The following CTNNA2 variants were observed in gnomAD, a reference collection of about 807,000 sequenced individuals.
The protein encoded by CTNNA2 is catenin alpha 2, also known as catenin alpha-2.
In CTNNA2, 42 loss-of-function variants were observed where a neutral mutation model predicts 101.0. The ratio of observed to expected loss-of-function variants is 0.42; its 90% confidence interval spans 0.32 to 0.54. The LOEUF is 0.54. CTNNA2 is among the 20% of genes least tolerant of loss of function. The pLI is 0.14. For missense variants in CTNNA2, 871 were observed against 1,223.1 expected, an observed-to-expected ratio of 0.71 and a Z score of 4.29; for synonymous variants, 450 against 456.4, an observed-to-expected ratio of 0.99 and a Z score of 0.18.
intron 1 of CTNNA2, chr2:79,523,287 G>A: frequency 2.2e-6 from 1 of 447,656 alleles, no homozygotes; most frequent in Non-Finnish European, 4.5e-6. Flanking sequence ...CCAGGAGACT[G>A]CTTCAAAGAA....
chr2:79,304,158 T>C (rs1676177833), intron 2 of CTNNA2, among the ~76,000 whole-genome samples: 1 of 151,982 alleles, frequency 6.6e-6, no homozygotes, highest in Non-Finnish European at 1.5e-5. Flanking sequence ...TCTAAATCGA[T>C]CACACTGAGG....
intron 9 of CTNNA2, among the ~76,000 whole-genome samples, chr2:80,465,447 G>A (rs1295908223): frequency 2.6e-5 from 4 of 152,144 alleles, no homozygotes; most frequent in African/African-American, 7.2e-5. Flanking sequence ...TGACAACAAC[G>A]TAAATTACTG....
intron 9 of CTNNA2, among the ~76,000 whole-genome samples, chr2:80,508,564 A>G (rs963707409): frequency 6.6e-6 from 1 of 151,808 alleles, no homozygotes; most frequent in Non-Finnish European, 1.5e-5. Context: ...ACCCTACAAC[A>G]TATGGACTCT....
At chr2:80,038,421 A>C (rs114610195) in intron 7 of CTNNA2, among the ~76,000 whole-genome samples, 2,619 of 152,214 alleles carry the variant, frequency 0.017, 60 homozygotes, top group African/African-American at 0.054. Flanking sequence ...AGCTGATCAA[A>C]AGTAAAATTA....
At position 80,232,333 on chromosome 2, in the gene CTNNA2, GTTTGTTTGTTT is replaced by G. The variant is rs1357773230; in HGVS notation, c.1057-160877_1057-160867del. ...TACAGAATTTGGGTTTTGTTTGTTT[GTTTGTTTGTTT>G]GTTTTTTTTTTTTTTTTTTTTTTTT... On this transcript the variant is annotated intron_variant, in intron 7 of 18. Transcript: ENST00000402739. 1.1e-4 allele frequency among the ~76,000 whole-genome samples: 5 copies of G among 45,348 alleles called. No individual in the cohort carries two copies. In the East Asian group the frequency reaches 3.6e-3, roughly 32 times the overall value. 29.8% of individuals were successfully genotyped at this position (45,348 alleles called of 152,430 possible). A position where few individuals can be genotyped will look rare whatever the true frequency, so the allele number is the denominator to read the frequency against.
intron 9 of CTNNA2, among the ~76,000 whole-genome samples, chr2:80,543,620 A>G (rs1306433771): frequency 6.6e-6 from 1 of 152,188 alleles, no homozygotes; most frequent in Non-Finnish European, 1.5e-5. Flanking sequence ...GTTGCTGATA[A>G]GGAAGCAGCA....
At chr2:79,287,252 G>T (rs2104361995) in intron 2 of CTNNA2, among the ~76,000 whole-genome samples, 1 of 152,212 alleles carries the variant, frequency 6.6e-6, no homozygotes, top group East Asian at 1.9e-4. Flanking sequence ...TCTTCTCTCA[G>T]CTCGTCAAAG....
intron 15 of CTNNA2, among the ~76,000 whole-genome samples, chr2:80,592,550 C>T (rs1175796851): frequency 6.6e-6 from 1 of 152,146 alleles, no homozygotes; most frequent in Non-Finnish European, 1.5e-5. Context: ...CCTGAGTTCT[C>T]GAAATTCCCC....
chr2:80,312,946 C>T (rs565662036), intron 7 of CTNNA2, among the ~76,000 whole-genome samples: 3 of 152,232 alleles, frequency 2.0e-5, no homozygotes, highest in African/African-American at 7.2e-5. Flanking sequence ...GTGCAGTCTG[C>T]GTAGTTCTGG....
intron 7 of CTNNA2, among the ~76,000 whole-genome samples, chr2:80,372,682 CT>C (rs57178483): frequency 0.029 from 4,185 of 142,252 alleles, 171 homozygotes; most frequent in African/African-American, 0.089. Flanking sequence ...GGGAAAACAG[CT>C]TTTTTTTTTT....
At chr2:79,700,406 A>C (rs1412833628) in intron 2 of CTNNA2, among the ~76,000 whole-genome samples, 1 of 152,112 alleles carries the variant, frequency 6.6e-6, no homozygotes, top group African/African-American at 2.4e-5. Flanking sequence ...GACACGTAGA[A>C]ATAATGGAGG....
At chr2:80,447,289 TG>T (rs953499881) in intron 9 of CTNNA2, among the ~76,000 whole-genome samples, 1 of 152,188 alleles carries the variant, frequency 6.6e-6, no homozygotes, top group Non-Finnish European at 1.5e-5. Flanking sequence ...GCAAATCTTT[TG>T]GGTAATATGT....
At chr2:79,673,208 C>A (rs1682963245) in intron 2 of CTNNA2, among the ~76,000 whole-genome samples, 1 of 151,886 alleles carries the variant, frequency 6.6e-6, no homozygotes. Context: ...GTACAATTAA[C>A]ATATTTTTGT....
rs569856130 is a variant in CTNNA2 at position 79,322,976 on chromosome 2, C to A, written c.-318+10180C>A. 5.3e-5 allele frequency among the ~76,000 whole-genome samples: 8 copies of A among 152,300 alleles called. No individual in the cohort carries two copies. In the South Asian group the frequency reaches 1.7e-3, roughly 32 times the overall value. ...TGCCTGGTTATTTCCCTGAAAGTATCTTCTATCTCTCTTAACATCTTTCAT... is the reference window on the plus strand; with the variant it reads ...TGCCTGGTTATTTCCCTGAAAGTATATTCTATCTCTCTTAACATCTTTCAT... On this transcript the variant is annotated intron_variant, in intron 3 of 21. Transcript: ENST00000466387.
chr2:79,982,321 T>A (rs865975616), intron 7 of CTNNA2, among the ~76,000 whole-genome samples: 11 of 139,296 alleles, frequency 7.9e-5, no homozygotes, highest in Middle Eastern at 3.6e-3. Context: ...ATATAACATA[T>A]ATAACACACA....
At chr2:80,466,814 GTTC>G (rs1559133938) in intron 9 of CTNNA2, among the ~76,000 whole-genome samples, 1 of 152,144 alleles carries the variant, frequency 6.6e-6, no homozygotes, top group African/African-American at 2.4e-5. Flanking sequence ...TAAATTTGGG[GTTC>G]CCCAAGGAAC....
At chr2:79,200,383 C>CAAAA (rs34255396) in intron 2 of CTNNA2, among the ~76,000 whole-genome samples, 30 of 110,232 alleles carry the variant, frequency 2.7e-4, no homozygotes, top group African/African-American at 8.1e-4. Flanking sequence ...GACTCCGTCT[C>CAAAA]AAAAAAAAAA....
intron 7 of CTNNA2, among the ~76,000 whole-genome samples, chr2:80,368,926 A>G (rs1209315241): frequency 6.6e-6 from 1 of 151,198 alleles, no homozygotes; most frequent in African/African-American, 2.4e-5. Context: ...AAATGATGGT[A>G]GGAGAACTGG....
chr2:80,562,613 T>G (rs1693705984), intron 12 of CTNNA2, among the ~76,000 whole-genome samples: 1 of 152,160 alleles, frequency 6.6e-6, no homozygotes. Flanking sequence ...TCAGATGTAC[T>G]GGCAAAAAAT....
Sources: allele counts gnomAD v4.1 joint callset (sites outside exome capture counted in the v4.1 genomes callset), GRCh38; gene constraint gnomAD v4.1.1; transcripts MANE v1.5; gene names NCBI Gene and HGNC (gene_info 2026-07-23, HGNC 2026-07-21).